Variants in KHDRBS3 observed in about 807,000 individuals in gnomAD.
KHDRBS3 encodes KH domain-containing, RNA-binding, signal transduction-associated protein 3.
KHDRBS3 carries 23 observed loss-of-function variants against 45.6 expected under a neutral mutation model. The ratio of observed to expected loss-of-function variants is 0.50; its 90% CI spans 0.36 to 0.72. The LOEUF (loss-of-function observed/expected upper bound fraction) is 0.72. Among genes scored for constraint, KHDRBS3 ranks in the 30% least tolerant of loss-of-function variants. The probability of loss-of-function intolerance (pLI) is 0.00; values close to 1 mark genes in which losing one functional copy is unlikely to be tolerated. For synonymous variants in KHDRBS3, 162 were observed against 156.5 expected, an observed-to-expected ratio of 1.04 and a Z score of -0.26; for missense variants, 352 against 424.8, an observed-to-expected ratio of 0.83 and a Z score of 1.51.
chr8:135,626,679 C>T (rs1354545563), intron 7 of KHDRBS3, among the ~76,000 whole-genome samples: 1 of 151,932 alleles, frequency 6.6e-6, no homozygotes, highest in Non-Finnish European at 1.5e-5. Context: ...TGGCGGGCGC[C>T]TGTAGTCCCA....
At chr8:135,498,141 A>T (rs1188076964) in intron 1 of KHDRBS3, among the ~76,000 whole-genome samples, 1 of 152,226 alleles carries the variant, frequency 6.6e-6, no homozygotes, top group Non-Finnish European at 1.5e-5. Flanking sequence ...GATGAAAAAA[A>T]AAATACAGTT....
intron 6 of KHDRBS3, among the ~76,000 whole-genome samples, chr8:135,599,722 C>T (rs190161169): frequency 6.6e-6 from 1 of 152,318 alleles, no homozygotes; most frequent in African/African-American, 2.4e-5. Flanking sequence ...ATTACAGAAG[C>T]TATGAATATA....
At chr8:135,633,086 T>C (rs1195158758) in intron 7 of KHDRBS3, among the ~76,000 whole-genome samples, 3 of 152,248 alleles carry the variant, frequency 2.0e-5, no homozygotes, top group Non-Finnish European at 2.9e-5. Context: ...TGCGACGTAT[T>C]ATTTATACAT....
chr8:135,527,365 A>G (rs1481992759), intron 2 of KHDRBS3, among the ~76,000 whole-genome samples: 2 of 152,242 alleles, frequency 1.3e-5, no homozygotes, highest in African/African-American at 2.4e-5. Context: ...GGCTGGGGTC[A>G]GAAGTGAGAT....
chr8:135,468,820 T>G (rs1205200755), intron 1 of KHDRBS3, among the ~76,000 whole-genome samples: 2 of 152,272 alleles, frequency 1.3e-5, no homozygotes, highest in Non-Finnish European at 2.9e-5. Context: ...AGACCTCTCA[T>G]GGCTCTTTTG....
chr8:135,643,634 C>T (rs558547926), intron 7 of KHDRBS3, among the ~76,000 whole-genome samples: 2 of 152,144 alleles, frequency 1.3e-5, no homozygotes, highest in South Asian at 2.1e-4. Flanking sequence ...CATGCTGTGC[C>T]GTAGTCATTA....
At chr8:135,586,497 G>A (rs918959598) in intron 6 of KHDRBS3, among the ~76,000 whole-genome samples, 3 of 151,852 alleles carry the variant, frequency 2.0e-5, no homozygotes, top group African/African-American at 7.3e-5. Context: ...TAATTCCCTG[G>A]TTTTAAGCTA....
chr8:135,609,478 A>G (rs1440080201), intron 7 of KHDRBS3, among the ~76,000 whole-genome samples: 1 of 151,990 alleles, frequency 6.6e-6, no homozygotes, highest in African/African-American at 2.4e-5. Context: ...TATTTATAGT[A>G]GAGATGGGGT....
At chr8:135,604,552 TTC>T (rs1829369524) in intron 6 of KHDRBS3, among the ~76,000 whole-genome samples, 1 of 151,962 alleles carries the variant, frequency 6.6e-6, no homozygotes, top group South Asian at 2.1e-4. Flanking sequence ...TATTTGTTGT[TTC>T]TTTTTCTACA....
intron 7 of KHDRBS3, among the ~76,000 whole-genome samples, chr8:135,640,881 G>A (rs748667728): frequency 6.6e-5 from 10 of 152,032 alleles, no homozygotes; most frequent in South Asian, 4.2e-4. Flanking sequence ...TTAGTTTATC[G>A]CTGGGAAATA....
intron 6 of KHDRBS3, among the ~76,000 whole-genome samples, chr8:135,586,648 C>A (rs1424894217): frequency 6.6e-6 from 1 of 152,116 alleles, no homozygotes. Context: ...AACATCTGTA[C>A]CTCTGAAAAG....
intron 2 of KHDRBS3, among the ~76,000 whole-genome samples, chr8:135,534,381 T>C (rs1046633924): frequency 6.6e-6 from 1 of 152,176 alleles, no homozygotes; most frequent in Non-Finnish European, 1.5e-5. Context: ...TGATTAATAC[T>C]TTCGGGGCAT....
rs530401809 is a variant in KHDRBS3 at position 135,634,189 on chromosome 8, A to G, written c.891-10870A>G. On this transcript the variant is annotated intron_variant, in intron 7 of 8. Coordinates refer to ENST00000355849, the MANE Select transcript of KHDRBS3 (RefSeq NM_006558.3). ...CAGGAATGATTCCTCAAATTATTTTAAGTCCTACTTCCCACTGTTTTTCCC... is the reference window on the plus strand; with the variant it reads ...CAGGAATGATTCCTCAAATTATTTTGAGTCCTACTTCCCACTGTTTTTCCC... Among the ~76,000 whole-genome samples the G allele has an allele frequency of 1.0e-3, 154 of 152,332 alleles. 2 individuals are homozygous for G. Among genetic ancestry groups the G allele is most frequent in the Non-Finnish European group, 5.3e-4 (36 of 68,036 alleles).
At chr8:135,578,601 C>T (rs1048807722) in intron 5 of KHDRBS3, among the ~76,000 whole-genome samples, 6 of 152,126 alleles carry the variant, frequency 3.9e-5, no homozygotes, top group South Asian at 2.1e-4. Context: ...TCGCAAATAC[C>T]GCGCTGTCTT....
rs187363913 is a variant in KHDRBS3 at position 135,469,445 on chromosome 8, G to A, written c.88+11491G>A. ...TGGGACTACAGGCGCCCGCCACCACGCCAGGCTTATTTTTTGTATTTTTAG... is the reference window on the plus strand; with the variant it reads ...TGGGACTACAGGCGCCCGCCACCACACCAGGCTTATTTTTTGTATTTTTAG... On this transcript the variant is annotated intron_variant, in intron 1 of 8. Transcript: ENST00000355849. Among the ~76,000 whole-genome samples, 252 of 147,474 alleles carry A rather than the reference G, an allele frequency of 1.7e-3. 1 individual carries two copies. The highest frequency in any genetic ancestry group is 6.0e-3 in the African/African-American group (239 of 40,012).
chr8:135,562,856 A>G (rs1246279606), intron 5 of KHDRBS3, among the ~76,000 whole-genome samples: 1 of 152,242 alleles, frequency 6.6e-6, no homozygotes, highest in Admixed American at 6.5e-5. Context: ...GTTGGAGCCT[A>G]TGAATTTCTA....
intron 6 of KHDRBS3, among the ~76,000 whole-genome samples, chr8:135,603,444 C>T (rs1184468590): frequency 2.0e-5 from 3 of 152,188 alleles, no homozygotes; most frequent in African/African-American, 7.2e-5. Context: ...ATAGCTTTCT[C>T]TCCCTTGATT....
In KHDRBS3 at chr8:135,481,154, C is replaced by T. The variant is rs910552042; in HGVS notation, c.88+23200C>T. Among the ~76,000 whole-genome samples the T allele has an allele frequency of 1.1e-4, 17 of 150,800 alleles. 1 individual carries two copies. The South Asian group carries it at 1.9e-3, about 17-fold the overall frequency. ...CCTGCTTACCTGTCCAGTCTTATTT[C>T]TGCCACTCCTCTCTTTGACCCTGAG... On this transcript the variant is annotated intron_variant, in intron 1 of 8. Transcript: ENST00000355849.
intron 1 of KHDRBS3, among the ~76,000 whole-genome samples, chr8:135,472,022 A>G (rs532638421): frequency 6.6e-6 from 1 of 152,310 alleles, no homozygotes; most frequent in South Asian, 2.1e-4. Context: ...TGTGTGTAGA[A>G]TGAATAGCCA....
Sources: gnomAD v4.1 joint callset for allele counts (sites outside exome capture counted in the v4.1 genomes callset) on GRCh38, gnomAD v4.1.1 for gene constraint, MANE v1.5 for transcripts, NCBI Gene and HGNC (gene_info 2026-07-23, HGNC 2026-07-21) for gene names.